The following LGR4 variants were observed in gnomAD, a reference collection of about 807,000 sequenced individuals.
LGR4 encodes the protein leucine rich repeat containing G protein-coupled receptor 4, also known as leucine-rich repeat-containing G protein-coupled receptor 4.
Under a neutral mutation model 84.8 loss-of-function variants are expected in LGR4, and 44 were observed. That is an observed-to-expected ratio of 0.52 (90% CI 0.41 to 0.67). LGR4 has a LOEUF of 0.67. LGR4 is among the 30% of genes least tolerant of loss of function. The probability of loss-of-function intolerance (pLI) is 0.00; values close to 1 mark genes in which losing one functional copy is unlikely to be tolerated. For synonymous variants in LGR4, 429 were observed against 434.3 expected, an observed-to-expected ratio of 0.99 and a Z score of 0.15; for missense variants, 1,032 against 1,131.4, an observed-to-expected ratio of 0.91 and a Z score of 1.26.
At chr11:27,429,034 T>G (rs578029947) in intron 1 of LGR4, among the ~76,000 whole-genome samples, 30 of 152,108 alleles carry the variant, frequency 2.0e-4, no homozygotes, top group African/African-American at 7.2e-4. Context: ...ACTTCAAGCC[T>G]AGAATTGAGA....
At chr11:27,390,564 T>C (rs955939391) in intron 4 of LGR4, among the ~76,000 whole-genome samples, 5 of 152,190 alleles carry the variant, frequency 3.3e-5, no homozygotes, top group East Asian at 1.9e-4. Flanking sequence ...CAGAGTCCCA[T>C]TGCATTTGGT....
At chr11:27,431,031 C>T (rs1050536443) in intron 1 of LGR4, among the ~76,000 whole-genome samples, 1 of 152,110 alleles carries the variant, frequency 6.6e-6, no homozygotes, top group African/African-American at 2.4e-5. Flanking sequence ...CAAATGTCAC[C>T]CCTTCAGACA....
chr11:27,472,006 G>T (rs1052167082), intron 1 of LGR4, 112 bp downstream of exon 1: 1 of 748,498 alleles, frequency 1.3e-6, no homozygotes, highest in African/African-American at 1.9e-5. Context: ...CCCCAGGCCC[G>T]GGCGGCGGCG....
chr11:27,380,262 C>G lies in LGR4; in HGVS notation c.971+9G>C. On this transcript the variant is annotated intron_variant, in intron 10 of 17. Transcript: ENST00000379214. The stretch of plus-strand genomic sequence containing the variant: ...TTTATACAACCCCTCTTCAAAGGGC[C>G]TTACTTACAGACTTTCCAGGTGGAC... The G allele has an allele frequency of 6.3e-7, 1 of 1,590,306 alleles. No homozygotes were observed.
rs897969388 is a variant in LGR4, at chr11:27,424,370, C to T, written c.186-11510G>A. Among the ~76,000 whole-genome samples the T allele has an allele frequency of 5.9e-5, 9 of 152,180 alleles. No homozygotes were observed. In the South Asian group the frequency reaches 1.2e-3, roughly 21 times the overall value. Reference sequence around the variant, plus strand: ...GCCTCAGCAACATAGTGAGGCTGCTCGGGAGCCTGAGGGAGGCTACTCAGA... The same window carrying T: ...GCCTCAGCAACATAGTGAGGCTGCTTGGGAGCCTGAGGGAGGCTACTCAGA... On this transcript the variant is annotated intron_variant, in intron 1 of 17. Transcript: ENST00000379214.
chr11:27,400,012 G>C (rs554444038), intron 2 of LGR4, among the ~76,000 whole-genome samples: 2 of 152,224 alleles, frequency 1.3e-5, no homozygotes, highest in East Asian at 3.9e-4. Context: ...CATTTGTGTA[G>C]TACTTCTCAT....
At chr11:27,433,393 ATTTCT>A (rs1864148744) in intron 1 of LGR4, among the ~76,000 whole-genome samples, 1 of 96,908 alleles carries the variant, frequency 1.0e-5, no homozygotes, top group Non-Finnish European at 2.1e-5. Flanking sequence ...ATTTATTTTT[ATTTCT>A]TTTTTTTTTT....
chr11:27,386,975 C>G (rs1461796756), intron 4 of LGR4, among the ~76,000 whole-genome samples: 1 of 152,140 alleles, frequency 6.6e-6, no homozygotes, highest in African/African-American at 2.4e-5. Flanking sequence ...GCCTACAGAG[C>G]TGTTTAGGAG....
chr11:27,382,895 TAGTCCC>T (rs1863123816), intron 6 of LGR4, among the ~76,000 whole-genome samples: 1 of 152,172 alleles, frequency 6.6e-6, no homozygotes, highest in Non-Finnish European at 1.5e-5. Flanking sequence ...CACATGCCTG[TAGTCCC>T]AGCTACTAAG....
intron 1 of LGR4, among the ~76,000 whole-genome samples, chr11:27,413,322 T>G (rs1424764536): frequency 6.6e-6 from 1 of 152,084 alleles, no homozygotes; most frequent in African/African-American, 2.4e-5. Context: ...TCAAAACCTA[T>G]AAAAGTCCTC....
chr11:27,453,996 C>T (rs1864529408), intron 1 of LGR4, among the ~76,000 whole-genome samples: 1 of 152,168 alleles, frequency 6.6e-6, no homozygotes, highest in Admixed American at 6.5e-5. Flanking sequence ...TTATAAGAAA[C>T]ATTTATAATA....
rs192340954 is a variant in LGR4, at chr11:27,376,614, C to A, written c.1110-244G>T. ...AAATGAAAGAGACTAATTGGTATTTCATCCCATATTATACTGGGAATTAAC... is the reference window on the plus strand; with the variant it reads ...AAATGAAAGAGACTAATTGGTATTTAATCCCATATTATACTGGGAATTAAC... On this transcript the variant is annotated intron_variant, in intron 12 of 17. Coordinates refer to ENST00000379214, the MANE Select transcript of LGR4 (RefSeq NM_018490.5). Among the ~76,000 whole-genome samples the A allele has an allele frequency of 7.9e-4, 121 of 152,252 alleles. 3 individuals are homozygous for A. In the East Asian group the frequency reaches 0.02, roughly 26 times the overall value.
At chr11:27,431,587 C>G (rs116278643) in intron 1 of LGR4, among the ~76,000 whole-genome samples, 1 of 152,124 alleles carries the variant, frequency 6.6e-6, no homozygotes, top group African/African-American at 2.4e-5. Flanking sequence ...TTTCATCGTC[C>G]CCCAAAGACA....
At chr11:27,418,732 A>G (rs1863867780) in intron 1 of LGR4, among the ~76,000 whole-genome samples, 1 of 152,188 alleles carries the variant, frequency 6.6e-6, no homozygotes, top group Non-Finnish European at 1.5e-5. Flanking sequence ...GGCTAGAGAA[A>G]ATGTCACCTT....
At chr11:27,436,864 A>T (rs1234866830) in intron 1 of LGR4, among the ~76,000 whole-genome samples, 1 of 152,064 alleles carries the variant, frequency 6.6e-6, no homozygotes, top group Non-Finnish European at 1.5e-5. Flanking sequence ...TTTGATAGAT[A>T]GGCCCTTAGC....
At chr11:27,456,473 G>C (rs886873651) in intron 1 of LGR4, among the ~76,000 whole-genome samples, 1 of 152,188 alleles carries the variant, frequency 6.6e-6, no homozygotes, top group Non-Finnish European at 1.5e-5. Context: ...GGAAATTCCA[G>C]TGAGTGAAAG....
intron 1 of LGR4, among the ~76,000 whole-genome samples, chr11:27,452,156 T>C (rs1327411401): frequency 6.6e-6 from 1 of 152,208 alleles, no homozygotes; most frequent in East Asian, 1.9e-4. Context: ...GGCTGTCATC[T>C]TACCTCAGAG....
At position 27,368,663 on chromosome 11, in the gene LGR4, T is replaced by C. The variant is rs760160076; in HGVS notation, c.2060A>G (p.Tyr687Cys). ...TGGCAAACAAAGGGGTGATGCAGAA[T>C]ATTCCCCTCTATGGAAAAGGGGAAA... is the stretch of plus-strand genomic sequence containing the variant. ...GCFPLFHRGE[Y>C]SASPLCLPFP... Residue 687 changes from tyrosine to cysteine, a missense_variant, in exon 18 of 18, where the codon TAT becomes TGT. Tyr to Cys is a radical substitution (Grantham distance 194). Coordinates refer to ENST00000379214, the MANE Select transcript of LGR4 (RefSeq NM_018490.5). The C allele has an allele frequency of 6.2e-7, 1 of 1,613,924 alleles. No individual in the cohort carries two copies. The highest frequency in any genetic ancestry group is 1.1e-5 in the South Asian group (1 of 90,996).
chr11:27,382,279 A>G (rs561476905), intron 6 of LGR4, 23 bp from the exon 7 acceptor site: 13 of 1,444,588 alleles, frequency 9.0e-6, no homozygotes, highest in African/African-American at 2.8e-5. Context: ...GGGTGAAAAT[A>G]TATCAAAATA....
Sources: gnomAD v4.1 joint callset for allele counts (sites outside exome capture counted in the v4.1 genomes callset) on GRCh38, gnomAD v4.1.1 for gene constraint, MANE v1.5 for transcripts, NCBI Gene and HGNC (gene_info 2026-07-23, HGNC 2026-07-21) for gene names.